GABRB2: variants seen among roughly 807,000 people sequenced by gnomAD.
The protein encoded by GABRB2 is gamma-aminobutyric acid receptor subunit beta-2.
GABRB2 carries 16 observed loss-of-function variants against 54.7 expected under a neutral mutation model. That is an observed-to-expected ratio of 0.29 (90% confidence interval 0.20 to 0.44). The LOEUF is 0.44. Ranked by LOEUF, GABRB2 falls within the 20% of genes least tolerant of loss-of-function variation. The pLI, the probability that GABRB2 is intolerant of heterozygous loss-of-function variation, is 1.00. For missense variants in GABRB2, 355 were observed against 644.0 expected (o/e 0.55, Z 4.86); for synonymous variants, 244 against 233.8 (o/e 1.04, Z -0.40).
intron 5 of GABRB2, among the ~76,000 whole-genome samples, chr5:161,355,838 T>C (rs1433400703): frequency 6.6e-6 from 1 of 152,172 alleles, no homozygotes; most frequent in Non-Finnish European, 1.5e-5. Context: ...AAGGTTTATT[T>C]AGTATCCAAC....
Position 161,294,406 on chromosome 5 carries a change from A to G in GABRB2, c.1214T>C (p.Leu405Ser). 1.2e-6 allele frequency: 2 copies of G among 1,613,342 alleles called. No individual in the cohort carries two copies. The highest frequency in any genetic ancestry group is 8.5e-7 in the Non-Finnish European group (1 of 1,179,404). ...ATTTTTTATCTCGAGAGTGCTCAGT[A>G]AGATGTTCTCATGGGGGTCCATCTG... ...LYTMDPHENI[L>S]LSTLEIKNEM... The change falls in exon 10 of 10, where the codon TTA becomes TCA. Residue 405 changes from leucine to serine, a missense_variant. This residue lies in a region of GABRB2 where 201 missense variants were observed against 228.1 expected (regional missense o/e 0.88). Transcript: ENST00000393959.
At chr5:161,540,199 T>C (rs752531772) in intron 3 of GABRB2, among the ~76,000 whole-genome samples, 6 of 152,234 alleles carry the variant, frequency 3.9e-5, no homozygotes, top group Non-Finnish European at 8.8e-5. Context: ...TGCCGCTTTA[T>C]CAACTGAGTT....
intron 5 of GABRB2, among the ~76,000 whole-genome samples, chr5:161,359,376 G>C (rs1239136332): frequency 6.6e-6 from 1 of 151,500 alleles, no homozygotes; most frequent in Admixed American, 6.6e-5. Context: ...TTTTTCCATT[G>C]TTTAAATAGC....
Position 161,451,525 on chromosome 5 carries a change from TTG to T in GABRB2, c.458+8097_458+8098del, listed in dbSNP as rs763992053. On this transcript the variant is annotated intron_variant, in intron 4 of 9. Coordinates refer to ENST00000393959, the MANE Select transcript of GABRB2 (RefSeq NM_001371727.1). ...AACAAGACAACTATAAGATTATAAATTGTGTCACAAATAATTTTGCCTATTTC... is the reference window on the plus strand; with the variant it reads ...AACAAGACAACTATAAGATTATAAATTGTCACAAATAATTTTGCCTATTTC... 1.5e-4 allele frequency among the ~76,000 whole-genome samples: 23 copies of T among 152,314 alleles called. No homozygotes were observed. In the East Asian group the frequency reaches 4.4e-3, roughly 29 times the overall value.
At chr5:161,359,554 T>C (rs1295373952) in intron 5 of GABRB2, among the ~76,000 whole-genome samples, 1 of 152,104 alleles carries the variant, frequency 6.6e-6, no homozygotes, top group Non-Finnish European at 1.5e-5. Context: ...GCTTTTACCA[T>C]AATATTGGTG....
chr5:161,490,490 T>C lies in GABRB2; in HGVS notation c.238-30646A>G, dbSNP rs539951135. ...AATAAGGATGAAAAACTCTGCCAGATTGAACCCTTATGAGGCTTAATTGAG... is the reference window on the plus strand; with the variant it reads ...AATAAGGATGAAAAACTCTGCCAGACTGAACCCTTATGAGGCTTAATTGAG... On this transcript the variant is annotated intron_variant, in intron 3 of 9. Transcript: ENST00000393959. Among the ~76,000 whole-genome samples, 20 of 151,790 alleles carry C rather than the reference T, an allele frequency of 1.3e-4. No individual in the cohort carries two copies. The South Asian group carries it at 2.1e-3, about 16-fold the overall frequency.
chr5:161,416,319 T>A (rs1416448490), intron 4 of GABRB2, among the ~76,000 whole-genome samples: 1 of 152,058 alleles, frequency 6.6e-6, no homozygotes, highest in Non-Finnish European at 1.5e-5. Flanking sequence ...AACAAATGAC[T>A]TTGCCAGCCA....
intron 9 of GABRB2, among the ~76,000 whole-genome samples, chr5:161,312,714 C>T (rs796287034): frequency 1.3e-5 from 2 of 152,094 alleles, no homozygotes; most frequent in Admixed American, 6.5e-5. Context: ...AGCATCGAGT[C>T]GTTTTGGAAA....
intron 3 of GABRB2, among the ~76,000 whole-genome samples, chr5:161,509,447 G>A (rs185052059): frequency 1.2e-3 from 181 of 151,848 alleles, no homozygotes; most frequent in Non-Finnish European, 1.9e-3. Flanking sequence ...TCTGCATGAG[G>A]AAAATCAGTT....
chr5:161,386,534 A>G (rs994505721), intron 5 of GABRB2, among the ~76,000 whole-genome samples: 1 of 152,158 alleles, frequency 6.6e-6, no homozygotes, highest in East Asian at 1.9e-4. Flanking sequence ...TTTGAAAAAT[A>G]TAAAATTTCA....
At chr5:161,294,720 G>A (rs373984439) in intron 9 of GABRB2, among the ~76,000 whole-genome samples, 32 of 152,262 alleles carry the variant, frequency 2.1e-4, no homozygotes, top group Non-Finnish European at 3.8e-4. Flanking sequence ...CTTAGGGCAC[G>A]CAGAGAAATC....
At chr5:161,406,461 T>C (rs540667943) in intron 5 of GABRB2, among the ~76,000 whole-genome samples, 2 of 152,126 alleles carry the variant, frequency 1.3e-5, no homozygotes, top group South Asian at 4.1e-4. Context: ...ATCTCATAAT[T>C]AGTGCAATCC....
chr5:161,312,259 T>C (rs1179178780), intron 9 of GABRB2, among the ~76,000 whole-genome samples: 1 of 152,180 alleles, frequency 6.6e-6, no homozygotes, highest in Non-Finnish European at 1.5e-5. Flanking sequence ...TCAACTCCCT[T>C]GTTAGAATTC....
At chr5:161,315,602 T>G (rs1308753712) in intron 9 of GABRB2, among the ~76,000 whole-genome samples, 1 of 152,310 alleles carries the variant, frequency 6.6e-6, no homozygotes, top group South Asian at 2.1e-4. Flanking sequence ...AGAAAATATA[T>G]AATTTGCATT....
intron 4 of GABRB2, among the ~76,000 whole-genome samples, chr5:161,422,726 T>C (rs923219396): frequency 1.3e-5 from 2 of 152,180 alleles, no homozygotes; most frequent in Non-Finnish European, 2.9e-5. Context: ...ACTTACTCTA[T>C]TTGCATTAGC....
intron 3 of GABRB2, among the ~76,000 whole-genome samples, chr5:161,478,053 C>G (rs1293771290): frequency 6.6e-6 from 1 of 151,942 alleles, no homozygotes; most frequent in Non-Finnish European, 1.5e-5. Flanking sequence ...ATTTAGCAAA[C>G]TTTTCTATGT....
intron 5 of GABRB2, among the ~76,000 whole-genome samples, chr5:161,377,640 G>T (rs189524062): frequency 2.6e-5 from 4 of 152,170 alleles, no homozygotes; most frequent in East Asian, 1.9e-4. Flanking sequence ...GATGGCAGGG[G>T]TTACTTTAAA....
At chr5:161,471,486 G>C (rs981124006) in intron 3 of GABRB2, among the ~76,000 whole-genome samples, 4 of 152,018 alleles carry the variant, frequency 2.6e-5, no homozygotes, top group African/African-American at 9.7e-5. Context: ...ACACATTCAG[G>C]ACATGGAAGC....
chr5:161,428,287 A>ATGTGTGTGTGTGTGTG, intron 4 of GABRB2, among the ~76,000 whole-genome samples: 1 of 129,026 alleles, frequency 7.8e-6, no homozygotes, highest in African/African-American at 3.1e-5. Flanking sequence ...TCAGAGAGTT[A>ATGTGTGTGTGTGTGTG]CGTGTGTGTG....
Sources: gnomAD v4.1 joint callset for allele counts (sites outside exome capture counted in the v4.1 genomes callset) on GRCh38, gnomAD v4.1.1 for gene constraint, gnomAD v4.1.1 regional missense constraint, MANE v1.5 for transcripts, NCBI Gene and HGNC (gene_info 2026-07-23, HGNC 2026-07-21) for gene names.